The following PLXDC1 variants were observed in gnomAD, a reference collection of about 807,000 sequenced individuals.
PLXDC1 encodes the protein plexin domain-containing protein 1.
In PLXDC1, 39 loss-of-function variants were observed where a neutral mutation model predicts 61.3. That is an observed-to-expected ratio of 0.64 (90% CI 0.49 to 0.83). PLXDC1 has a LOEUF of 0.83. Ranked by LOEUF, PLXDC1 falls within the 40% of genes least tolerant of loss-of-function variation. PLXDC1 has a pLI of 0.00. For synonymous variants in PLXDC1, 212 were observed against 254.5 expected, an observed-to-expected ratio of 0.83 and a Z score of 1.59; for missense variants, 596 against 666.5, an observed-to-expected ratio of 0.89 and a Z score of 1.17.
At chr17:39,124,549 C>T (rs912602581) in intron 2 of PLXDC1, among the ~76,000 whole-genome samples, 3 of 152,078 alleles carry the variant, frequency 2.0e-5, no homozygotes, top group Non-Finnish European at 4.4e-5. Context: ...ACTATGTTCA[C>T]GCCACTGTGT....
Position 39,081,840 on chromosome 17 carries a change from G to C in PLXDC1, c.989+1619C>G, listed in dbSNP as rs534220805. On this transcript the variant is annotated intron_variant, in intron 9 of 13. Transcript: ENST00000315392. ...CACCTGTGGTTTCAACTACAGGGGG[G>C]ACTGAGGCAGGAGGATTGCTTGAGC... is the stretch of plus-strand genomic sequence containing the variant. 9.9e-5 allele frequency among the ~76,000 whole-genome samples: 15 copies of C among 152,176 alleles called. No homozygotes were observed. In the South Asian group the frequency reaches 2.9e-3, roughly 30 times the overall value.
chr17:39,063,921 C>T lies in PLXDC1; in HGVS notation c.*3919G>A, dbSNP rs1008365355. On this transcript the variant is annotated 3_prime_UTR_variant, in exon 14 of 14. Coordinates refer to ENST00000315392, the MANE Select transcript of PLXDC1 (RefSeq NM_020405.5). ...AGAGAGCCTTAGCCTTGCCTGCAAC[C>T]AGATGAATGGTTAGCTTTAGTGGTG... The T allele has an allele frequency of 1.2e-5, 2 of 164,402 alleles. No individual in the cohort carries two copies. The highest frequency in any genetic ancestry group is 4.8e-5 in the African/African-American group (2 of 41,710). The allele number at this position is 164,402 out of a possible 1,614,324, so 10.2% of individuals were successfully genotyped here.
intron 2 of PLXDC1, among the ~76,000 whole-genome samples, chr17:39,121,917 C>G (rs1045214799): frequency 6.6e-6 from 1 of 150,726 alleles, no homozygotes; most frequent in African/African-American, 2.4e-5. Context: ...GCCAACATGG[C>G]GAAACCCCAT....
intron 9 of PLXDC1, chr17:39,079,405 T>C (rs568218381): frequency 1.7e-6 from 1 of 572,958 alleles, no homozygotes; most frequent in South Asian, 1.5e-5. Context: ...TGAGTAGGTG[T>C]AGGGGCTAGC....
intron 12 of PLXDC1, among the ~76,000 whole-genome samples, chr17:39,070,743 C>T (rs113966332): frequency 0.15 from 22,795 of 152,116 alleles, 2,113 homozygotes; most frequent in Middle Eastern, 0.25. Flanking sequence ...TTTAGGAGGC[C>T]GAGGCAGGCA....
intron 9 of PLXDC1, 42 bp from the exon 10 acceptor site, chr17:39,079,206 A>G (rs775074319): frequency 3.2e-6 from 5 of 1,544,284 alleles, no homozygotes; most frequent in East Asian, 2.2e-5. Flanking sequence ...TGGGATTGAC[A>G]AAGAAGCCTT....
rs766421360 is a variant in PLXDC1, at chr17:39,122,094, CAAA to C, written c.256-12706_256-12704del. ...CCTGGTTGACAGTTCAAGACTCTGT[CAAA>C]AAAAAAAAAAAAAAGGGGGGGGGGA... is the stretch of plus-strand genomic sequence containing the variant. On this transcript the variant is annotated intron_variant, in intron 2 of 13. Coordinates refer to ENST00000315392, the MANE Select transcript of PLXDC1 (RefSeq NM_020405.5). Among the ~76,000 whole-genome samples the C allele has an allele frequency of 6.1e-4, 48 of 78,192 alleles. 1 individual carries two copies. The East Asian group carries it at 9.1e-3, about 15-fold the overall frequency. 51.3% of individuals were successfully genotyped at this position (78,192 alleles called of 152,430 possible). A position where few individuals can be genotyped will look rare whatever the true frequency, so the allele number is the denominator to read the frequency against.
In PLXDC1 at chr17:39,109,340, G is replaced by A; in HGVS notation, c.307C>T (p.His103Tyr). The A allele has an allele frequency of 6.2e-7, 1 of 1,608,410 alleles. No homozygotes were observed. The highest frequency in any genetic ancestry group is 8.5e-7 in the Non-Finnish European group (1 of 1,178,032). ...ACATCTACCCACAGTTCCCGGCTGT[G>A]GGGCTCGCTGGGGCCATAGAGACGG... is the stretch of plus-strand genomic sequence containing the variant. Reference protein sequence around the residue: ...VSRLYGPSEPHSRELWVDVAE... With the variant: ...VSRLYGPSEPYSRELWVDVAE... Residue 103 changes from histidine to tyrosine, a missense_variant, in exon 3 of 14, where the codon CAC becomes TAC. Coordinates refer to ENST00000315392, the MANE Select transcript of PLXDC1 (RefSeq NM_020405.5).
chr17:39,107,319 A>T, intron 6 of PLXDC1, 88 bp downstream of exon 6: 1 of 794,826 alleles, frequency 1.3e-6, no homozygotes, highest in Non-Finnish European at 2.1e-6. Context: ...AGCAAGCCCC[A>T]TGCCTGGCAC....
At chr17:39,142,676 A>T (rs996648307) in intron 1 of PLXDC1, among the ~76,000 whole-genome samples, 11 of 152,160 alleles carry the variant, frequency 7.2e-5, no homozygotes, top group Admixed American at 2.6e-4. Context: ...GCATGCCACC[A>T]CACCCGGCTA....
intron 2 of PLXDC1, among the ~76,000 whole-genome samples, chr17:39,136,725 C>CT (rs1911763975): frequency 6.6e-6 from 1 of 152,004 alleles, no homozygotes; most frequent in Admixed American, 6.6e-5. Flanking sequence ...GAACAGGATG[C>CT]TTTTTTGTTA....
chr17:39,108,749 TG>T, intron 4 of PLXDC1, 154 bp downstream of exon 4: 1 of 635,362 alleles, frequency 1.6e-6, no homozygotes. Context: ...TGACGTCCAC[TG>T]ACCCCCCTCC....
intron 2 of PLXDC1, among the ~76,000 whole-genome samples, chr17:39,139,316 G>A (rs1911855363): frequency 6.6e-6 from 1 of 152,214 alleles, no homozygotes; most frequent in Non-Finnish European, 1.5e-5. Flanking sequence ...GCTGAGATGT[G>A]ACTCATAAGG....
intron 7 of PLXDC1, among the ~76,000 whole-genome samples, chr17:39,095,378 CCA>C (rs1567759270): frequency 1.1e-3 from 9 of 7,834 alleles, no homozygotes; most frequent in African/African-American, 4.0e-3. Context: ...CCCCCCCCCC[CCA>C]ACCCCCCAAG....
intron 2 of PLXDC1, among the ~76,000 whole-genome samples, chr17:39,118,465 A>G (rs900920835): frequency 6.6e-6 from 1 of 152,098 alleles, no homozygotes; most frequent in African/African-American, 2.4e-5. Flanking sequence ...TGGTCTCCCA[A>G]AGTGCTGGGA....
intron 7 of PLXDC1, among the ~76,000 whole-genome samples, chr17:39,097,618 C>A (rs1424796787): frequency 6.6e-6 from 1 of 151,988 alleles, no homozygotes; most frequent in African/African-American, 2.4e-5. Flanking sequence ...CACGGTGGCT[C>A]ACATCTGTAA....
chr17:39,091,127 C>T (rs1909933603), intron 7 of PLXDC1, among the ~76,000 whole-genome samples: 1 of 152,194 alleles, frequency 6.6e-6, no homozygotes, highest in Non-Finnish European at 1.5e-5. Flanking sequence ...CCTAGCTTCC[C>T]CTTGTTTCTT....
At chr17:39,152,738 G>A, upstream of PLXDC1, 1 of 1,189,536 alleles carries the variant, frequency 8.4e-7, no homozygotes, top group Non-Finnish European at 1.1e-6. Context: ...TACACTGTGG[G>A]CTGGAAGAGA....
intron 7 of PLXDC1, among the ~76,000 whole-genome samples, chr17:39,102,699 A>G (rs1910461601): frequency 1.5e-5 from 2 of 133,406 alleles, no homozygotes; most frequent in Non-Finnish European, 3.1e-5. Context: ...ATCGTATGCT[A>G]TCAAATACAC....
Sources: gnomAD v4.1 joint callset for allele counts (sites outside exome capture counted in the v4.1 genomes callset) on GRCh38, gnomAD v4.1.1 for gene constraint, MANE v1.5 for transcripts, NCBI Gene and HGNC (gene_info 2026-07-23, HGNC 2026-07-21) for gene names.